The following CLVS1 variants were observed in gnomAD, a reference collection of about 807,000 sequenced individuals.
CLVS1 encodes clavesin 1.
CLVS1 carries 10 observed loss-of-function variants against 33.1 expected under a neutral mutation model. The ratio of observed to expected loss-of-function variants is 0.30; its 90% CI spans 0.19 to 0.51. CLVS1 has a LOEUF of 0.51. CLVS1 is among the 20% of genes least tolerant of loss of function. The pLI, the probability that CLVS1 is intolerant of heterozygous loss-of-function variation, is 0.97. For missense variants in CLVS1, 343 were observed against 433.4 expected, an observed-to-expected ratio of 0.79 and a Z score of 1.85; for synonymous variants, 163 against 166.1, an observed-to-expected ratio of 0.98 and a Z score of 0.14.
intron 2 of CLVS1, among the ~76,000 whole-genome samples, chr8:61,261,222 T>C (rs1217997894): frequency 6.6e-6 from 1 of 152,170 alleles, no homozygotes; most frequent in Non-Finnish European, 1.5e-5. Context: ...GCCCCATCCC[T>C]TTACCTTGCT....
At chr8:61,195,861 A>C (rs1218586252) in intron 2 of CLVS1, among the ~76,000 whole-genome samples, 2 of 152,114 alleles carry the variant, frequency 1.3e-5, no homozygotes, top group Admixed American at 1.3e-4. Flanking sequence ...AAAAGTAGGA[A>C]GTCAGTAATT....
chr8:61,217,753 AC>A (rs1210566045), intron 2 of CLVS1, among the ~76,000 whole-genome samples: 5 of 152,346 alleles, frequency 3.3e-5, no homozygotes, highest in Middle Eastern at 3.4e-3. Flanking sequence ...TTTGTAAACT[AC>A]TTATACAGCA....
intron 2 of CLVS1, among the ~76,000 whole-genome samples, chr8:61,315,365 A>T (rs1337193586): frequency 6.6e-6 from 1 of 152,108 alleles, no homozygotes; most frequent in African/African-American, 2.4e-5. Flanking sequence ...ACCTTTTAGT[A>T]CCTTCCTTGT....
chr8:61,312,539 A>C (rs1190659631), intron 2 of CLVS1, among the ~76,000 whole-genome samples: 2 of 152,092 alleles, frequency 1.3e-5, no homozygotes, highest in Admixed American at 1.3e-4. Context: ...CTTTGCTACT[A>C]TTTCTTCCCT....
intron 5 of CLVS1, among the ~76,000 whole-genome samples, chr8:61,466,199 C>A (rs1231064684): frequency 6.6e-6 from 1 of 152,136 alleles, no homozygotes; most frequent in Non-Finnish European, 1.5e-5. Flanking sequence ...AAGAAGAAAA[C>A]CCAAATGAAC....
rs1805952577 is a variant in CLVS1, at chr8:61,125,462, T to C, written c.-242-6308T>C. On this transcript the variant is annotated intron_variant, in intron 1 of 2. Transcript: ENST00000522621. Reference sequence around the variant, plus strand: ...AAAGACATAAGTTCAGTTCCTCATTTTGGTCTTTCTCTTCCAGATAATATT... The same window carrying C: ...AAAGACATAAGTTCAGTTCCTCATTCTGGTCTTTCTCTTCCAGATAATATT... 2.6e-5 allele frequency among the ~76,000 whole-genome samples: 4 copies of C among 152,210 alleles called. No individual in the cohort carries two copies. The South Asian group carries it at 8.3e-4, about 31-fold the overall frequency.
At chr8:61,375,516 C>A (rs1028252675) in intron 2 of CLVS1, among the ~76,000 whole-genome samples, 29 of 152,126 alleles carry the variant, frequency 1.9e-4, no homozygotes, top group Admixed American at 6.5e-5. Context: ...CTCTAAAAGT[C>A]CTGGGATTAC....
At chr8:61,420,691 C>T (rs1704037126) in intron 3 of CLVS1, among the ~76,000 whole-genome samples, 1 of 151,942 alleles carries the variant, frequency 6.6e-6, no homozygotes, top group South Asian at 2.1e-4. Flanking sequence ...CATATGCGGC[C>T]AGGCACGGTG....
At chr8:61,050,315 G>A in the CLVS1 span, among the ~76,000 whole-genome samples, 1 of 152,256 alleles carries the variant, frequency 6.6e-6, no homozygotes, top group Non-Finnish European at 1.5e-5. Flanking sequence ...CATTCTTTCT[G>A]TCTGGGGGAG....
At chr8:61,254,868 C>T (rs551692154) in intron 2 of CLVS1, among the ~76,000 whole-genome samples, 3 of 152,282 alleles carry the variant, frequency 2.0e-5, no homozygotes, top group Non-Finnish European at 2.9e-5. Flanking sequence ...TTGAACTTCC[C>T]GGGTGAGGTG....
chr8:61,348,909 C>G (rs1300654389), intron 2 of CLVS1, among the ~76,000 whole-genome samples: 1 of 152,070 alleles, frequency 6.6e-6, no homozygotes, highest in Non-Finnish European at 1.5e-5. Flanking sequence ...TTTGATAATA[C>G]TTGTCCTAGA....
chr8:61,282,674 T>C (rs1270745702), intron 2 of CLVS1, among the ~76,000 whole-genome samples: 2 of 152,244 alleles, frequency 1.3e-5, no homozygotes, highest in Admixed American at 1.3e-4. Context: ...TGAAAAGTTC[T>C]TGCAGTAATG....
rs1382008972 is a variant in CLVS1, at chr8:61,500,233, A to ATTAT, written c.*694_*697dup. On this transcript the variant is annotated 3_prime_UTR_variant, in exon 6 of 6. Transcript: ENST00000325897. The stretch of plus-strand genomic sequence containing the variant: ...GGAAGACACATGGACGTGAAATACG[A>ATTAT]TTATTTCATCTGAGCAATGTGAGTT... 2.0e-5 allele frequency: 3 copies of ATTAT among 152,426 alleles called. No homozygotes were observed. The highest frequency in any genetic ancestry group is 2.9e-5 in the Non-Finnish European group (2 of 68,040). 9.4% of individuals were successfully genotyped at this position (152,426 alleles called of 1,614,324 possible). A position where few individuals can be genotyped will look rare whatever the true frequency, so the allele number is the denominator to read the frequency against.
chr8:61,390,656 T>C (rs1814266375), intron 3 of CLVS1, among the ~76,000 whole-genome samples: 1 of 152,244 alleles, frequency 6.6e-6, no homozygotes, highest in Non-Finnish European at 1.5e-5. Flanking sequence ...GGTGGGACAA[T>C]TTGCCATACG....
At chr8:61,401,312 A>G (rs933446295) in intron 3 of CLVS1, among the ~76,000 whole-genome samples, 1 of 151,940 alleles carries the variant, frequency 6.6e-6, no homozygotes, top group Admixed American at 6.6e-5. Context: ...AATGTTGAAC[A>G]GAGGTAGTGA....
At chr8:61,389,414 G>T (rs1814212103) in intron 3 of CLVS1, among the ~76,000 whole-genome samples, 1 of 152,090 alleles carries the variant, frequency 6.6e-6, no homozygotes, top group Non-Finnish European at 1.5e-5. Flanking sequence ...GGTGGCACAT[G>T]CCTGTAGTCC....
At chr8:61,044,775 A>G in the CLVS1 span, among the ~76,000 whole-genome samples, 1 of 152,202 alleles carries the variant, frequency 6.6e-6, no homozygotes, top group African/African-American at 2.4e-5. Context: ...TCAACTTTGT[A>G]TAGAAAGAGA....
chr8:61,376,923 C>T (rs1364896553), intron 3 of CLVS1, 144 bp downstream of exon 3: 1 of 675,496 alleles, frequency 1.5e-6, no homozygotes, highest in Non-Finnish European at 2.3e-6. Flanking sequence ...GTTTTTGCCT[C>T]AGCCAGAGTT....
At chr8:61,149,637 G>A (rs780009696) in intron 2 of CLVS1, among the ~76,000 whole-genome samples, 4 of 151,592 alleles carry the variant, frequency 2.6e-5, no homozygotes, top group Non-Finnish European at 5.9e-5. Flanking sequence ...GAATTCCAAT[G>A]CAGAAAAGTA....
Sources: gnomAD v4.1 joint callset for allele counts (sites outside exome capture counted in the v4.1 genomes callset) on GRCh38, gnomAD v4.1.1 for gene constraint, MANE v1.5 for transcripts, NCBI Gene and HGNC (gene_info 2026-07-23, HGNC 2026-07-21) for gene names.